Variants in MGAT4C observed in about 807,000 individuals in gnomAD.
MGAT4C encodes alpha-1,3-mannosyl-glycoprotein 4-beta-N-acetylglucosaminyltransferase C.
In MGAT4C, 19 loss-of-function variants were observed where a neutral mutation model predicts 40.1. The observed-to-expected ratio is 0.47, with a 90% CI of 0.33 to 0.70. The LOEUF (loss-of-function observed/expected upper bound fraction) is 0.70. Ranked by LOEUF, MGAT4C falls within the 30% of genes least tolerant of loss-of-function variation. MGAT4C has a pLI of 0.02. For synonymous variants in MGAT4C, 181 were observed against 187.1 expected (o/e 0.97, Z 0.27); for missense variants, 491 against 563.2 (o/e 0.87, Z 1.30).
chr12:86,456,661 C>T (rs1449907491), intron 2 of MGAT4C, among the ~76,000 whole-genome samples: 6 of 151,956 alleles, frequency 3.9e-5, no homozygotes, highest in South Asian at 2.1e-4. Context: ...CAGGATATGT[C>T]GACTTTAGCT....
At chr12:86,510,718 T>C (rs976516311) in intron 2 of MGAT4C, among the ~76,000 whole-genome samples, 15 of 151,754 alleles carry the variant, frequency 9.9e-5, no homozygotes, top group African/African-American at 3.1e-4. Context: ...AGACTTTAAA[T>C]CAACAAAGAT....
chr12:86,575,710 T>C lies in MGAT4C; in HGVS notation c.-228-140445A>G, dbSNP rs899706722. 3.9e-5 allele frequency among the ~76,000 whole-genome samples: 6 copies of C among 152,022 alleles called. No individual in the cohort carries two copies. The East Asian group carries it at 9.7e-4, about 25-fold the overall frequency. On this transcript the variant is annotated intron_variant, in intron 2 of 7. Transcript: ENST00000548651. ...CATTGATATGCTGATTTCCTTTATT[T>C]TGAGTATATACCCAGCAGTGGGATT...
chr12:86,191,751 GGTGTGTGTGT>G (rs570173863), intron 1 of MGAT4C, among the ~76,000 whole-genome samples: 3 of 98,464 alleles, frequency 3.0e-5, no homozygotes, highest in Admixed American at 1.0e-4. Flanking sequence ...AGGAGATAAA[GGTGTGTGTGT>G]GTGTGTGTGT....
intron 3 of MGAT4C, among the ~76,000 whole-genome samples, chr12:86,408,471 C>A (rs1415849246): frequency 5.5e-5 from 6 of 109,430 alleles, no homozygotes; most frequent in South Asian, 3.2e-4. Context: ...CTCTCTCTCT[C>A]TCTCTCTCTA....
At chr12:86,145,448 TAG>T (rs1205184132) in intron 1 of MGAT4C, among the ~76,000 whole-genome samples, 3 of 152,128 alleles carry the variant, frequency 2.0e-5, no homozygotes, top group Non-Finnish European at 4.4e-5. Context: ...TACCAACAAT[TAG>T]ACGTTAATTA....
rs147202522 is a variant in MGAT4C at position 86,309,948 on chromosome 12, G to A, written c.-57+24117C>T. ...ATAGGGAAGTGTATAATCTGTATTG[G>A]TAGGAGAAGGAGAAGGAGGAAAGAA... On this transcript the variant is annotated intron_variant, in intron 4 of 7. Transcript: ENST00000548651. 7.6e-3 allele frequency among the ~76,000 whole-genome samples: 1,152 copies of A among 152,160 alleles called. 8 individuals carry two copies. Among genetic ancestry groups the A allele is most frequent in the South Asian group, 0.014 (66 of 4,822 alleles).
chr12:86,401,287 G>GGTGTGT (rs10638406), intron 3 of MGAT4C, among the ~76,000 whole-genome samples: 4 of 147,394 alleles, frequency 2.7e-5, no homozygotes, highest in East Asian at 2.0e-4. Context: ...TGTGTATGTG[G>GGTGTGT]GTGTGTGTGT....
At chr12:86,573,794 C>T (rs1328224124) in intron 2 of MGAT4C, among the ~76,000 whole-genome samples, 1 of 151,950 alleles carries the variant, frequency 6.6e-6, no homozygotes, top group African/African-American at 2.4e-5. Flanking sequence ...AATAGCTTGA[C>T]TTTGACATAA....
chr12:86,334,821 T>C (rs1028955024), intron 3 of MGAT4C, among the ~76,000 whole-genome samples: 2 of 152,160 alleles, frequency 1.3e-5, no homozygotes, highest in Admixed American at 6.6e-5. Flanking sequence ...TGATTTGCAA[T>C]GTACTTCAAA....
chr12:86,049,794 G>C, intron 1 of MGAT4C, 71 bp from the exon 2 acceptor site: 2 of 506,398 alleles, frequency 3.9e-6, no homozygotes, highest in Non-Finnish European at 5.1e-6. Context: ...AAAATAAAAA[G>C]TATTCTCTGT....
intron 1 of MGAT4C, among the ~76,000 whole-genome samples, chr12:86,729,314 C>T (rs184483673): frequency 2.0e-4 from 30 of 152,148 alleles, no homozygotes; most frequent in Admixed American, 9.2e-4. Context: ...ATCAAAATAT[C>T]TCACGTAACC....
At chr12:86,017,241 C>T (rs1889182873) in intron 2 of MGAT4C, among the ~76,000 whole-genome samples, 1 of 152,084 alleles carries the variant, frequency 6.6e-6, no homozygotes, top group African/African-American at 2.4e-5. Context: ...TTGCAGGAAT[C>T]TCGAACTCGG....
chr12:86,058,434 C>T (rs2136993336), intron 1 of MGAT4C, among the ~76,000 whole-genome samples: 1 of 152,130 alleles, frequency 6.6e-6, no homozygotes, highest in African/African-American at 2.4e-5. Context: ...AAATGTTTCC[C>T]TAGTAGTTTA....
At chr12:86,227,208 A>C (rs1396542352) in intron 1 of MGAT4C, among the ~76,000 whole-genome samples, 3 of 142,952 alleles carry the variant, frequency 2.1e-5, no homozygotes, top group Non-Finnish European at 3.1e-5. Context: ...TTCTCAATAA[A>C]TGCTAGTTTT....
intron 1 of MGAT4C, among the ~76,000 whole-genome samples, chr12:86,140,348 G>A (rs1317289247): frequency 6.6e-6 from 1 of 152,162 alleles, no homozygotes; most frequent in Admixed American, 6.6e-5. Context: ...TCCTTTGCAG[G>A]GACATGAATG....
chr12:86,816,879 GTTA>G (rs1188792962), intron 1 of MGAT4C, among the ~76,000 whole-genome samples: 15 of 151,078 alleles, frequency 9.9e-5, no homozygotes, highest in South Asian at 4.2e-4. Context: ...GTTTCTCACT[GTTA>G]TTATTATTGT....
chr12:86,478,177 AC>A (rs1228640235), intron 2 of MGAT4C, among the ~76,000 whole-genome samples: 6 of 152,306 alleles, frequency 3.9e-5, no homozygotes, highest in Non-Finnish European at 5.9e-5. Flanking sequence ...ATACTCATAT[AC>A]AGGAGAGAGG....
At chr12:86,678,999 C>T (rs1303505860) in intron 2 of MGAT4C, among the ~76,000 whole-genome samples, 7 of 152,156 alleles carry the variant, frequency 4.6e-5, no homozygotes, top group Non-Finnish European at 7.4e-5. Flanking sequence ...CCTGAGGAAT[C>T]GCCACACTGA....
At position 86,060,824 on chromosome 12, in the gene MGAT4C, G is replaced by A. The variant is rs116356047; in HGVS notation, c.-56-11101C>T. On this transcript the variant is annotated intron_variant, in intron 1 of 4. Transcript: ENST00000611864. ...TGAAGAAAAATCATAAGAAAACCCC[G>A]TGGTGGGCAGACATTTCTTGGTGCT... is the stretch of plus-strand genomic sequence containing the variant. Among the ~76,000 whole-genome samples, 1,293 of 152,212 alleles carry A rather than the reference G, an allele frequency of 8.5e-3. 23 individuals carry two copies. Among genetic ancestry groups the A allele is most frequent in the African/African-American group, 0.029 (1,214 of 41,528 alleles).
Sources: allele counts gnomAD v4.1 joint callset (sites outside exome capture counted in the v4.1 genomes callset), GRCh38; gene constraint gnomAD v4.1.1; transcripts MANE v1.5; gene names NCBI Gene and HGNC (gene_info 2026-07-23, HGNC 2026-07-21).